The following EBF1 variants were observed in gnomAD, a reference collection of about 807,000 sequenced individuals.
EBF1 encodes the protein EBF transcription factor 1, also known as transcription factor COE1.
EBF1 carries 10 observed loss-of-function variants against 68.4 expected under a neutral mutation model. The ratio of observed to expected loss-of-function variants is 0.15; its 90% confidence interval spans 0.09 to 0.25. The LOEUF is 0.25. Among genes scored for constraint, EBF1 ranks in the 10% least tolerant of loss-of-function variants. The pLI is 1.00. For missense variants in EBF1, 509 were observed against 794.4 expected, an observed-to-expected ratio of 0.64 and a Z score of 4.32; for synonymous variants, 298 against 299.8, an observed-to-expected ratio of 0.99 and a Z score of 0.06.
intron 6 of EBF1, among the ~76,000 whole-genome samples, chr5:158,868,136 T>A (rs1274600507): frequency 2.6e-5 from 4 of 152,170 alleles, no homozygotes; most frequent in Non-Finnish European, 4.4e-5. Flanking sequence ...CCTATTCATT[T>A]TTTTTTTGCC....
At chr5:158,890,863 G>T (rs1008461718) in intron 6 of EBF1, among the ~76,000 whole-genome samples, 5 of 152,080 alleles carry the variant, frequency 3.3e-5, no homozygotes, top group African/African-American at 4.8e-5. Flanking sequence ...CCTCCTTTTA[G>T]CCAAGTCCTC....
chr5:158,982,216 C>T (rs1403662029), intron 6 of EBF1, among the ~76,000 whole-genome samples: 1 of 152,192 alleles, frequency 6.6e-6, no homozygotes, highest in Non-Finnish European at 1.5e-5. Context: ...GATAAATGCC[C>T]TGAGACAATG....
chr5:158,900,325 CTG>C (rs1228199187), intron 6 of EBF1, among the ~76,000 whole-genome samples: 4 of 152,160 alleles, frequency 2.6e-5, no homozygotes, highest in Non-Finnish European at 5.9e-5. Flanking sequence ...ACAAATTATA[CTG>C]TGTCTCCACT....
intron 6 of EBF1, among the ~76,000 whole-genome samples, chr5:158,896,913 G>A (rs1447824384): frequency 1.3e-5 from 2 of 152,078 alleles, no homozygotes; most frequent in African/African-American, 4.8e-5. Context: ...CACAAACAGA[G>A]TTTCAGAGAT....
At chr5:158,919,521 G>A (rs535801653) in intron 6 of EBF1, among the ~76,000 whole-genome samples, 75 of 152,242 alleles carry the variant, frequency 4.9e-4, no homozygotes, top group African/African-American at 1.8e-3. Flanking sequence ...CTTCAACTTT[G>A]AGAATGAGAA....
chr5:159,044,976 A>G (rs888025312), intron 6 of EBF1, among the ~76,000 whole-genome samples: 3 of 152,228 alleles, frequency 2.0e-5, no homozygotes, highest in Non-Finnish European at 4.4e-5. Context: ...AAAATATTAA[A>G]CAACCTTAAG....
chr5:159,089,088 A>G (rs937823912), intron 4 of EBF1, among the ~76,000 whole-genome samples: 2 of 152,266 alleles, frequency 1.3e-5, no homozygotes, highest in South Asian at 4.1e-4. Context: ...TTTTTGTGAT[A>G]TACTAGCCTA....
rs550412839 is a variant in EBF1, at chr5:159,095,800, C to A, written c.356-125G>T. On this transcript the variant is annotated intron_variant, in intron 3 of 15. Transcript: ENST00000313708. ...CACACACATATCACGAAAGGGGCTCCAAGGCTGATTGGAACTCCCACTGTC... is the reference window on the plus strand; with the variant it reads ...CACACACATATCACGAAAGGGGCTCAAAGGCTGATTGGAACTCCCACTGTC... 2.5e-4 allele frequency: 243 copies of A among 967,652 alleles called. 2 individuals are homozygous for A. The African/African-American group carries it at 3.7e-3, about 15-fold the overall frequency. The allele number at this position is 967,652 out of a possible 1,614,324, so 59.9% of individuals were successfully genotyped here.
At chr5:158,748,686 G>C (rs374233031) in intron 10 of EBF1, among the ~76,000 whole-genome samples, 2 of 152,268 alleles carry the variant, frequency 1.3e-5, no homozygotes, top group East Asian at 3.9e-4. Flanking sequence ...CCAAACGAGC[G>C]TTCTGGGACT....
rs778903431 is a variant in EBF1 at position 158,714,114 on chromosome 5, C to T, written c.1191+3G>A. 9 of 1,614,194 alleles carry T rather than the reference C, an allele frequency of 5.6e-6. No individual in the cohort carries two copies. The highest frequency in any genetic ancestry group is 6.8e-6 in the Non-Finnish European group (8 of 1,180,008). ...ACACAGGCTAGACACCCACAGCGCT[C>T]ACCTGGTTGTTGTGTGGCATCCCAT... On this transcript the variant is annotated splice_donor_region_variant and intron_variant, in intron 12 of 15. Transcript: ENST00000313708.
intron 6 of EBF1, among the ~76,000 whole-genome samples, chr5:158,889,829 A>G (rs1800810111): frequency 6.6e-6 from 1 of 152,212 alleles, no homozygotes; most frequent in Non-Finnish European, 1.5e-5. Flanking sequence ...GATTCAACCA[A>G]CCACAAATCA....
At chr5:158,779,889 C>A (rs559748357) in intron 9 of EBF1, among the ~76,000 whole-genome samples, 1 of 152,274 alleles carries the variant, frequency 6.6e-6, no homozygotes, top group Non-Finnish European at 1.5e-5. Flanking sequence ...AACAAATTTT[C>A]ATTTACAATT....
chr5:158,794,136 C>A (rs964261371), intron 9 of EBF1, among the ~76,000 whole-genome samples: 1 of 152,126 alleles, frequency 6.6e-6, no homozygotes, highest in Non-Finnish European at 1.5e-5. Flanking sequence ...CCAAGAGCAG[C>A]ACGAAAGCAG....
intron 5 of EBF1, 92 bp downstream of exon 5, chr5:159,084,571 CAAA>C (rs200028682): frequency 3.9e-3 from 3,264 of 829,954 alleles, no homozygotes; most frequent in South Asian, 8.9e-3. Flanking sequence ...AAATGTGTAC[CAAA>C]AAAAAAAAAA....
chr5:158,801,514 A>G (rs1373671065), intron 8 of EBF1, among the ~76,000 whole-genome samples: 2 of 152,124 alleles, frequency 1.3e-5, no homozygotes, highest in Non-Finnish European at 2.9e-5. Context: ...AGCGATAAAA[A>G]TCTAACAGAT....
At chr5:158,935,881 A>T (rs755128050) in intron 6 of EBF1, among the ~76,000 whole-genome samples, 4 of 152,238 alleles carry the variant, frequency 2.6e-5, no homozygotes, top group Non-Finnish European at 5.9e-5. Context: ...AGGTTTTTCA[A>T]ATAAGTAGAT....
intron 6 of EBF1, among the ~76,000 whole-genome samples, chr5:159,072,549 C>T (rs1778002118): frequency 6.6e-6 from 1 of 152,138 alleles, no homozygotes; most frequent in African/African-American, 2.4e-5. Flanking sequence ...CCAGCTAGTA[C>T]AAGATGCTAG....
intron 8 of EBF1, among the ~76,000 whole-genome samples, chr5:158,808,864 A>C (rs1212678094): frequency 6.6e-6 from 1 of 152,168 alleles, no homozygotes; most frequent in African/African-American, 2.4e-5. Context: ...TTTATGAAAG[A>C]TATACCACTT....
At chr5:159,087,062 G>A (rs1236105325) in intron 4 of EBF1, among the ~76,000 whole-genome samples, 2 of 151,698 alleles carry the variant, frequency 1.3e-5, no homozygotes, top group African/African-American at 4.8e-5. Context: ...CTCTAATGAA[G>A]CATTTCTTCT....
Sources: allele counts gnomAD v4.1 joint callset (sites outside exome capture counted in the v4.1 genomes callset), GRCh38; gene constraint gnomAD v4.1.1; transcripts MANE v1.5; gene names NCBI Gene and HGNC (gene_info 2026-07-23, HGNC 2026-07-21).